SLC36A1: variants seen among roughly 807,000 people sequenced by gnomAD.
SLC36A1 encodes the protein solute carrier family 36 member 1.
SLC36A1 carries 30 observed loss-of-function variants against 47.5 expected under a neutral mutation model. The ratio of observed to expected loss-of-function variants is 0.63; its 90% CI spans 0.47 to 0.86. SLC36A1 has a LOEUF of 0.86. SLC36A1 is among the 40% of genes least tolerant of loss of function. SLC36A1 has a pLI of 0.00. For synonymous variants in SLC36A1, 255 were observed against 249.7 expected (o/e 1.02, Z -0.20); for missense variants, 517 against 606.0 (o/e 0.85, Z 1.54).
the SLC36A1 span, among the ~76,000 whole-genome samples, chr5:151,372,446 ATT>A: frequency 1.3e-5 from 2 of 148,598 alleles, no homozygotes; most frequent in Non-Finnish European, 3.0e-5. Context: ...TTCATTAAAA[ATT>A]TTTTTTTTTT....
At chr5:151,487,420 G>T (rs1187439557) in intron 10 of SLC36A1, among the ~76,000 whole-genome samples, 1 of 152,214 alleles carries the variant, frequency 6.6e-6, no homozygotes, top group Non-Finnish European at 1.5e-5. Context: ...CGTCGTGTGG[G>T]GCTTCGCCAG....
chr5:151,403,510 G>A, the SLC36A1 span, among the ~76,000 whole-genome samples: 1 of 152,160 alleles, frequency 6.6e-6, no homozygotes, highest in Non-Finnish European at 1.5e-5. Flanking sequence ...CTTTCCGTGT[G>A]ACCTGCCTGC....
chr5:151,508,841 A>G, the SLC36A1 span, among the ~76,000 whole-genome samples: 1 of 152,184 alleles, frequency 6.6e-6, no homozygotes, highest in Non-Finnish European at 1.5e-5. Flanking sequence ...TCTTATACAC[A>G]GGCTAATAGC....
At chr5:151,393,923 G>C in the SLC36A1 span, among the ~76,000 whole-genome samples, 1 of 152,070 alleles carries the variant, frequency 6.6e-6, no homozygotes, top group Non-Finnish European at 1.5e-5. Flanking sequence ...GGCATTCACT[G>C]TATTTCCTGA....
At chr5:151,361,679 A>G in the SLC36A1 span, among the ~76,000 whole-genome samples, 2 of 152,190 alleles carry the variant, frequency 1.3e-5, no homozygotes, top group African/African-American at 2.4e-5. Flanking sequence ...AGTAGGTTTT[A>G]TAGCTTCAAA....
chr5:151,477,737 C>T (rs1015397055), intron 9 of SLC36A1, among the ~76,000 whole-genome samples: 1 of 152,206 alleles, frequency 6.6e-6, no homozygotes, highest in Non-Finnish European at 1.5e-5. Flanking sequence ...CTTGTGTCTA[C>T]TTTTAAATTT....
the SLC36A1 span, chr5:151,528,154 T>G: frequency 1.1e-5 from 18 of 1,611,282 alleles, no homozygotes; most frequent in Admixed American, 1.7e-5. Flanking sequence ...GTAGGGGGAT[T>G]GTGAATGGAG....
chr5:151,476,510 T>C, intron 8 of SLC36A1, 80 bp from the exon 9 acceptor site: 10 of 1,195,698 alleles, frequency 8.4e-6, no homozygotes, highest in Non-Finnish European at 1.2e-5. Context: ...AGTTACTTTT[T>C]TTCTGAGGTT....
chr5:151,550,020 T>C, the SLC36A1 span, among the ~76,000 whole-genome samples: 20 of 152,114 alleles, frequency 1.3e-4, no homozygotes, highest in Non-Finnish European at 1.9e-4. Flanking sequence ...TAAATAACTG[T>C]ATGACAGTGA....
the SLC36A1 span, chr5:151,550,508 A>G: frequency 6.8e-7 from 1 of 1,461,942 alleles, no homozygotes; most frequent in South Asian, 1.3e-5. Context: ...GGGAAGGGGG[A>G]CCTTCAGCAT....
chr5:151,468,301 T>TATATAAAAA (rs1554113589), intron 7 of SLC36A1, among the ~76,000 whole-genome samples: 7 of 93,402 alleles, frequency 7.5e-5, no homozygotes, highest in African/African-American at 2.8e-4. Context: ...ATATTTTATA[T>TATATAAAAA]ATATATATTT....
the SLC36A1 span, chr5:151,505,388 T>C: frequency 4.1e-6 from 3 of 733,968 alleles, no homozygotes; most frequent in Non-Finnish European, 6.6e-6. Context: ...TCAGCTTCCC[T>C]CCACCCTCAG....
At chr5:151,452,048 C>T (rs886736579) in intron 1 of SLC36A1, among the ~76,000 whole-genome samples, 3 of 152,132 alleles carry the variant, frequency 2.0e-5, no homozygotes, top group Admixed American at 2.0e-4. Flanking sequence ...TAAAGCTATA[C>T]CTGGCCCTAA....
chr5:151,437,482 T>G (rs1178410974), intron 1 of SLC36A1, among the ~76,000 whole-genome samples: 1 of 152,188 alleles, frequency 6.6e-6, no homozygotes, highest in Non-Finnish European at 1.5e-5. Flanking sequence ...CTTCTTAGTC[T>G]TTTGGCTAAG....
chr5:151,385,933 G>A, the SLC36A1 span, among the ~76,000 whole-genome samples: 13 of 149,240 alleles, frequency 8.7e-5, no homozygotes, highest in Non-Finnish European at 1.2e-4. Context: ...GTGCAATGGC[G>A]CGATCACAGC....
At chr5:151,421,565 TC>T in the SLC36A1 span, among the ~76,000 whole-genome samples, 13 of 149,976 alleles carry the variant, frequency 8.7e-5, no homozygotes, top group Middle Eastern at 3.5e-3. Context: ...TTTTTCTTTT[TC>T]TTTTTCTTTC....
chr5:151,527,842 A>G, the SLC36A1 span, among the ~76,000 whole-genome samples: 2 of 152,158 alleles, frequency 1.3e-5, no homozygotes, highest in African/African-American at 2.4e-5. Flanking sequence ...CACAGTCCAC[A>G]GAGGCCCCAC....
rs897956752 is a variant in SLC36A1 at position 151,489,891 on chromosome 5, T to C, written c.*1637T>C. ...CACCAGGCTCTTGCTTCACTGCAGA[T>C]ACAGTTCACTCTGAAAGCTGGTTGA... On this transcript the variant is annotated 3_prime_UTR_variant, in exon 11 of 11. Transcript: ENST00000243389. The surrounding 1 kb of genome is among the most constrained non-coding windows in gnomAD (Gnocchi z 4.5). 1 of 152,202 alleles carries C rather than the reference T, an allele frequency of 6.6e-6. No homozygotes were observed. Among genetic ancestry groups the C allele is most frequent in the African/African-American group, 2.4e-5 (1 of 41,442 alleles). The allele number at this position is 152,202 out of a possible 1,614,324, so 9.4% of individuals were successfully genotyped here. A position where few individuals can be genotyped will look rare whatever the true frequency, so the allele number is the denominator to read the frequency against.
At chr5:151,507,590 A>C in the SLC36A1 span, 1 of 1,607,186 alleles carries the variant, frequency 6.2e-7, no homozygotes, top group Non-Finnish European at 8.5e-7. Context: ...CTTCTGAACA[A>C]CCCCTCGCCT....
Sources: gnomAD v4.1 joint callset for allele counts (sites outside exome capture counted in the v4.1 genomes callset) on GRCh38, gnomAD v4.1.1 for gene constraint, Gnocchi (gnomAD v3.1) non-coding constraint, MANE v1.5 for transcripts, NCBI Gene and HGNC (gene_info 2026-07-23, HGNC 2026-07-21) for gene names.